The following PALM2AKAP2 variants were observed in gnomAD, a reference collection of about 807,000 sequenced individuals.
PALM2AKAP2 encodes PALM2 and AKAP2 fusion.
In PALM2AKAP2, 37 loss-of-function variants were observed where a neutral mutation model predicts 71.5. The ratio of observed to expected loss-of-function variants is 0.52; its 90% CI spans 0.40 to 0.68. PALM2AKAP2 has a LOEUF of 0.68. Among genes scored for constraint, PALM2AKAP2 ranks in the 30% least tolerant of loss-of-function variants. PALM2AKAP2 has a pLI of 0.00. For missense variants in PALM2AKAP2, 1,224 were observed against 1,191.8 expected (o/e 1.03, Z -0.40); for synonymous variants, 468 against 478.8 (o/e 0.98, Z 0.29).
At chr9:110,081,371 G>C (rs185562586) in intron 1 of PALM2AKAP2, among the ~76,000 whole-genome samples, 1 of 152,324 alleles carries the variant, frequency 6.6e-6, no homozygotes, top group Non-Finnish European at 1.5e-5. Flanking sequence ...AATTTACATT[G>C]TTAAAAAGAG....
chr9:109,997,695 G>A (rs926863148), intron 6 of PALM2AKAP2, among the ~76,000 whole-genome samples: 1 of 152,232 alleles, frequency 6.6e-6, no homozygotes, highest in African/African-American at 2.4e-5. Flanking sequence ...AGAAGAGGGA[G>A]AGGGAATTGC....
chr9:110,161,464 T>TATAGGAACTA (rs1836593377), intron 3 of PALM2AKAP2, among the ~76,000 whole-genome samples: 1 of 152,186 alleles, frequency 6.6e-6, no homozygotes, highest in African/African-American at 2.4e-5. Flanking sequence ...TTTCAGTTCC[T>TATAGGAACTA]AAGTGCTCAT....
At chr9:110,065,734 G>T (rs551141301) in intron 1 of PALM2AKAP2, among the ~76,000 whole-genome samples, 1 of 152,024 alleles carries the variant, frequency 6.6e-6, no homozygotes, top group Non-Finnish European at 1.5e-5. Context: ...CCAGCTCTTG[G>T]CAACCACCAT....
chr9:110,015,989 G>A, exon 7 of PALM2AKAP2: 1 of 1,614,074 alleles, frequency 6.2e-7, no homozygotes, highest in South Asian at 1.1e-5. Context: ...AAAGGAAGGT[G>A]AGTCAGCCTC....
At chr9:109,977,372 C>A (rs1172777079) in intron 6 of PALM2AKAP2, among the ~76,000 whole-genome samples, 1 of 152,150 alleles carries the variant, frequency 6.6e-6, no homozygotes, top group Non-Finnish European at 1.5e-5. Context: ...TGCCTAGGCT[C>A]TTAATATTGC....
At chr9:109,647,661 C>T (rs1827172972) in intron 1 of PALM2AKAP2, among the ~76,000 whole-genome samples, 1 of 152,174 alleles carries the variant, frequency 6.6e-6, no homozygotes, top group Non-Finnish European at 1.5e-5. Flanking sequence ...ACTTGATGTA[C>T]ATCATCACTG....
At chr9:110,085,209 C>T (rs73657341) in intron 1 of PALM2AKAP2, among the ~76,000 whole-genome samples, 6,012 of 151,994 alleles carry the variant, frequency 0.04, 345 homozygotes, top group African/African-American at 0.12. Flanking sequence ...TACTATTAGG[C>T]GCTTTAAACT....
At chr9:109,851,889 A>G (rs946679825) in intron 1 of PALM2AKAP2, among the ~76,000 whole-genome samples, 2 of 152,150 alleles carry the variant, frequency 1.3e-5, no homozygotes, top group Non-Finnish European at 2.9e-5. Context: ...ATTAGTGGGT[A>G]AAAAGCTGTG....
chr9:109,997,879 G>A (rs1373232548), intron 6 of PALM2AKAP2, among the ~76,000 whole-genome samples: 1 of 152,244 alleles, frequency 6.6e-6, no homozygotes, highest in Non-Finnish European at 1.5e-5. Flanking sequence ...GGCCCCATCA[G>A]CTTATCCTGG....
At chr9:109,868,110 G>T (rs1829505887) in intron 2 of PALM2AKAP2, among the ~76,000 whole-genome samples, 1 of 152,162 alleles carries the variant, frequency 6.6e-6, no homozygotes, top group Non-Finnish European at 1.5e-5. Context: ...AAAGTGTTCT[G>T]TGAGAGCAAG....
chr9:110,038,935 CAAAA>C (rs71373959), intron 7 of PALM2AKAP2, among the ~76,000 whole-genome samples: 1 of 78,378 alleles, frequency 1.3e-5, no homozygotes, highest in Non-Finnish European at 2.4e-5. Flanking sequence ...AACTCGGTCT[CAAAA>C]AAAAAAAAAA....
intron 3 of PALM2AKAP2, among the ~76,000 whole-genome samples, chr9:109,920,350 AAT>A (rs945697942): frequency 5.9e-5 from 9 of 151,484 alleles, no homozygotes; most frequent in Admixed American, 4.6e-4. Flanking sequence ...GAAGGAAGGG[AAT>A]ATTTTTGAGA....
intron 1 of PALM2AKAP2, among the ~76,000 whole-genome samples, chr9:109,853,317 C>G (rs1448329698): frequency 6.6e-6 from 1 of 152,214 alleles, no homozygotes; most frequent in Non-Finnish European, 1.5e-5. Context: ...CCTCTCATCT[C>G]AAGTTATATT....
At chr9:109,972,668 G>C (rs1832090590) in intron 6 of PALM2AKAP2, among the ~76,000 whole-genome samples, 1 of 152,174 alleles carries the variant, frequency 6.6e-6, no homozygotes, top group African/African-American at 2.4e-5. Flanking sequence ...AAGCCAAGGG[G>C]TGTGCATATG....
intron 3 of PALM2AKAP2, among the ~76,000 whole-genome samples, chr9:109,918,227 A>G (rs1213872349): frequency 1.3e-5 from 2 of 152,338 alleles, no homozygotes; most frequent in African/African-American, 2.4e-5. Flanking sequence ...ATGAAGTTAG[A>G]TGGATGAATG....
chr9:110,090,250 C>T (rs10759388), intron 1 of PALM2AKAP2: 113,986 of 422,244 alleles, frequency 0.27, 17,838 homozygotes, highest in East Asian at 0.41. Context: ...CCCCTGAAAT[C>T]CTGTGACCTG....
chr9:109,693,200 T>C (rs1827923449), intron 1 of PALM2AKAP2, among the ~76,000 whole-genome samples: 1 of 151,842 alleles, frequency 6.6e-6, no homozygotes, highest in African/African-American at 2.4e-5. Flanking sequence ...CTTGAGTGAG[T>C]TTTGGTGGTT....
chr9:109,991,007 G>T (rs1046701384), intron 6 of PALM2AKAP2, among the ~76,000 whole-genome samples: 37 of 152,080 alleles, frequency 2.4e-4, no homozygotes, highest in African/African-American at 8.2e-4. Context: ...TCAGGGATAT[G>T]GGCTTCCTAG....
upstream of PALM2AKAP2, among the ~76,000 whole-genome samples, chr9:109,776,587 T>C (rs1829351507): frequency 6.6e-6 from 1 of 152,244 alleles, no homozygotes. Context: ...TGCCATACCA[T>C]GGCTTCAGGG....
Sources: gnomAD v4.1 joint callset for allele counts (sites outside exome capture counted in the v4.1 genomes callset) on GRCh38, gnomAD v4.1.1 for gene constraint, MANE v1.5 for transcripts, NCBI Gene and HGNC (gene_info 2026-07-23, HGNC 2026-07-21) for gene names.